RSPRY1: variants seen among roughly 807,000 people sequenced by gnomAD.
RSPRY1 encodes the protein RING finger and SPRY domain-containing protein 1.
Under a neutral mutation model 73.1 loss-of-function variants are expected in RSPRY1, and 23 were observed. That is an observed-to-expected ratio of 0.31 (90% CI 0.23 to 0.45). The LOEUF (loss-of-function observed/expected upper bound fraction) is 0.45. Among genes scored for constraint, RSPRY1 ranks in the 20% least tolerant of loss-of-function variants. The pLI is 1.00. For missense variants in RSPRY1, 448 were observed against 698.7 expected (o/e 0.64, Z 4.05); for synonymous variants, 226 against 251.4 (o/e 0.90, Z 0.95).
intron 11 of RSPRY1, among the ~76,000 whole-genome samples, chr16:57,230,235 C>T (rs773184793): frequency 7.9e-5 from 12 of 151,270 alleles, no homozygotes; most frequent in Non-Finnish European, 1.6e-4. Context: ...GGTCTTCAAA[C>T]TCCTGACCTC....
At chr16:57,207,460 G>A in intron 2 of RSPRY1, 1 of 344,020 alleles carries the variant, frequency 2.9e-6, no homozygotes, top group South Asian at 2.3e-5. Flanking sequence ...AAGATTTCTG[G>A]GATCACACCA....
At chr16:57,201,455 A>T (rs1343464403) in intron 1 of RSPRY1, among the ~76,000 whole-genome samples, 1 of 144,430 alleles carries the variant, frequency 6.9e-6, no homozygotes, top group Non-Finnish European at 1.5e-5. Flanking sequence ...CCGGGCAGAG[A>T]CGCTCCTCAC....
At chr16:57,195,990 C>T (rs1199254610) in intron 1 of RSPRY1, among the ~76,000 whole-genome samples, 1 of 147,628 alleles carries the variant, frequency 6.8e-6, no homozygotes, top group Non-Finnish European at 1.5e-5. Context: ...CCACTGGACT[C>T]CAGCCTGGCG....
chr16:57,235,152 G>A lies in RSPRY1; in HGVS notation c.1558G>A (p.Val520Ile). The A allele has an allele frequency of 6.2e-7, 1 of 1,614,158 alleles. No homozygotes were observed. The highest frequency in any genetic ancestry group is 8.5e-7 in the Non-Finnish European group (1 of 1,180,000). The change falls in exon 14 of 15, where the codon GTC (valine) becomes ATC (isoleucine). Residue 520 changes from valine (V) to isoleucine (I), a missense_variant. Coordinates refer to ENST00000394420, the MANE Select transcript of RSPRY1 (RefSeq NM_133368.3). The part of the protein sequence containing the change: ...RHRRLALLKQ[V>I]SIRENCCSLC... ...CAGGCGTCTTGCTCTGTTGAAGCAA[G>A]TCAGTATCCGAGAAAACTGCTGTTC...
At chr16:57,191,063 G>T (rs950605797) in intron 1 of RSPRY1, among the ~76,000 whole-genome samples, 3 of 152,088 alleles carry the variant, frequency 2.0e-5, no homozygotes, top group Non-Finnish European at 1.5e-5. Context: ...GTTTCCAGGC[G>T]TAATTTCATA....
chr16:57,195,643 G>A (rs928641903), intron 1 of RSPRY1, among the ~76,000 whole-genome samples: 1 of 151,502 alleles, frequency 6.6e-6, no homozygotes, highest in Non-Finnish European at 1.5e-5. Context: ...TCACAGATGT[G>A]TATTTAAATT....
chr16:57,203,722 C>T (rs1392126948), intron 1 of RSPRY1, among the ~76,000 whole-genome samples: 5 of 152,162 alleles, frequency 3.3e-5, no homozygotes, highest in African/African-American at 1.2e-4. Flanking sequence ...TTCTCCTAGT[C>T]CAGCGTGGTA....
intron 5 of RSPRY1, among the ~76,000 whole-genome samples, chr16:57,213,543 A>G (rs544816174): frequency 3.3e-5 from 5 of 152,364 alleles, no homozygotes; most frequent in African/African-American, 9.6e-5. Context: ...TAATTTGTTT[A>G]TGAATGTTAC....
rs778045152 is a variant in RSPRY1 at position 57,235,125 on chromosome 16, C to T, written c.1531C>T (p.His511Tyr). The stretch of plus-strand genomic sequence containing the variant: ...TTTCAAATTGCTTTTTCTACTCAGG[C>T]ACAGGCGTCTTGCTCTGTTGAAGCA... Reference protein sequence around the residue: ...TAEEKIILPRHRRLALLKQVS... With the variant: ...TAEEKIILPRYRRLALLKQVS... Residue 511 changes from histidine to tyrosine, a missense_variant and splice_region_variant, in exon 14 of 15, where the codon CAC (histidine) becomes TAC (tyrosine). Coordinates refer to ENST00000394420, the MANE Select transcript of RSPRY1 (RefSeq NM_133368.3). The T allele has an allele frequency of 6.2e-7, 1 of 1,612,794 alleles. No homozygotes were observed. The highest frequency in any genetic ancestry group is 1.3e-5 in the African/African-American group (1 of 74,906).
chr16:57,205,254 A>G, intron 2 of RSPRY1: 1 of 480,276 alleles, frequency 2.1e-6, no homozygotes, highest in South Asian at 2.4e-5. Flanking sequence ...CGATAAAGCT[A>G]TGATCTTTAT....
chr16:57,188,304 C>T (rs911458703), intron 1 of RSPRY1, among the ~76,000 whole-genome samples: 6 of 151,850 alleles, frequency 4.0e-5, no homozygotes, highest in African/African-American at 9.7e-5. Context: ...GTTCGTCGTA[C>T]TTGTTAGAGA....
rs550355588 is a variant in RSPRY1 at position 57,200,558 on chromosome 16, G to T, written c.-155-3946G>T. On this transcript the variant is annotated intron_variant, in intron 1 of 14. Coordinates refer to ENST00000394420, the MANE Select transcript of RSPRY1 (RefSeq NM_133368.3). ...GGCTGACCTCCCTGCCTCCCTCCCG[G>T]ATGGGGCGGCTGGCCGGGCAGAGGG... is the stretch of plus-strand genomic sequence containing the variant. Among the ~76,000 whole-genome samples the T allele has an allele frequency of 2.2e-3, 327 of 149,574 alleles. 2 individuals carry two copies. The highest frequency in any genetic ancestry group is 7.3e-3 in the African/African-American group (296 of 40,640).
intron 6 of RSPRY1, among the ~76,000 whole-genome samples, chr16:57,215,072 T>A (rs1256098546): frequency 6.6e-6 from 1 of 151,124 alleles, no homozygotes; most frequent in Non-Finnish European, 1.5e-5. Context: ...GTATGGGTAA[T>A]GAGAGCCGGG....
chr16:57,228,464 T>C (rs544929015), intron 11 of RSPRY1, among the ~76,000 whole-genome samples: 3 of 152,124 alleles, frequency 2.0e-5, no homozygotes, highest in Non-Finnish European at 4.4e-5. Context: ...AAGGCCCTGT[T>C]TTCAAAAACT....
intron 6 of RSPRY1, among the ~76,000 whole-genome samples, chr16:57,214,393 T>C (rs182088933): frequency 6.6e-6 from 1 of 152,340 alleles, no homozygotes; most frequent in Non-Finnish European, 1.5e-5. Flanking sequence ...ATATTTAATA[T>C]ATTGTCTATG....
chr16:57,229,109 T>TA (rs1351240500), intron 11 of RSPRY1, among the ~76,000 whole-genome samples: 1 of 152,218 alleles, frequency 6.6e-6, no homozygotes, highest in African/African-American at 2.4e-5. Flanking sequence ...AAATTATCAT[T>TA]ATAGACCATT....
Position 57,239,021 on chromosome 16 carries a change from C to T in RSPRY1, c.*46C>T. 9.7e-7 allele frequency: 1 copy of T among 1,032,784 alleles called. No individual in the cohort carries two copies. The highest frequency in any genetic ancestry group is 1.5e-5 in the South Asian group (1 of 68,310). The allele number at this position is 1,032,784 out of a possible 1,614,324, so 64.0% of individuals were successfully genotyped here. ...GGACTTTTTTCTACTCAATTCCAGC[C>T]AATGTTGAAAAGAAAAAGAAAAAAA... On this transcript the variant is annotated 3_prime_UTR_variant, in exon 15 of 15. Transcript: ENST00000394420.
rs192163381 is a variant in RSPRY1, at chr16:57,235,041, G to A, written c.1530-83G>A. On this transcript the variant is annotated intron_variant, in intron 13 of 14. Transcript: ENST00000394420. The stretch of plus-strand genomic sequence containing the variant: ...AAGGAATATATGTCACAGGTGCAGA[G>A]CATTTTCAAAACATTTCATATGCAT... 2.9e-5 allele frequency: 27 copies of A among 925,720 alleles called. No individual in the cohort carries two copies. The East Asian group carries it at 5.9e-4, about 20-fold the overall frequency. 57.3% of individuals were successfully genotyped at this position (925,720 alleles called of 1,614,324 possible).
At chr16:57,208,762 T>C (rs1196979002) in intron 3 of RSPRY1, among the ~76,000 whole-genome samples, 1 of 152,164 alleles carries the variant, frequency 6.6e-6, no homozygotes, top group Non-Finnish European at 1.5e-5. Flanking sequence ...AACTGCTGAG[T>C]ATACTTCATT....
Sources: allele counts gnomAD v4.1 joint callset (sites outside exome capture counted in the v4.1 genomes callset), GRCh38; gene constraint gnomAD v4.1.1; transcripts MANE v1.5; gene names NCBI Gene and HGNC (gene_info 2026-07-23, HGNC 2026-07-21).